CCDC134: variants seen among roughly 807,000 people sequenced by gnomAD.
The protein encoded by CCDC134 is coiled-coil domain containing 134, also known as coiled-coil domain-containing protein 134.
A neutral mutation model predicts 25.6 loss-of-function variants in CCDC134; 27 were observed. The observed-to-expected ratio is 1.05, with a 90% CI of 0.78 to 1.45. The LOEUF (loss-of-function observed/expected upper bound fraction) is 1.45, where lower values mean the gene tolerates loss of function less well. CCDC134 is among the 40% of genes most tolerant of loss of function. The probability of loss-of-function intolerance (pLI) is 0.00; values close to 1 mark genes in which losing one functional copy is unlikely to be tolerated. For synonymous variants in CCDC134, 110 were observed against 115.0 expected (o/e 0.96, Z 0.28); for missense variants, 261 against 286.7 (o/e 0.91, Z 0.65).
rs60425249 is a variant in CCDC134, at chr22:41,806,214, A to AT, written c.-16-2639dup. ...AAAATCTTTTTTTTTTAGGCGACTA[A>AT]TTTTTTTTTTTTTTTTTTTTTTGAT... On this transcript the variant is annotated intron_variant, in intron 1 of 6. Transcript: ENST00000255784. Among the ~76,000 whole-genome samples the AT allele has an allele frequency of 0.039, 4,673 of 120,976 alleles. 417 individuals carry two copies. In the East Asian group the frequency reaches 0.43, roughly 11 times the overall value. The allele number at this position is 120,976 out of a possible 152,430, so 79.4% of individuals were successfully genotyped here.
chr22:41,813,399 A>C lies in CCDC134; in HGVS notation c.446A>C (p.Gln149Pro), dbSNP rs767967796. The C allele has an allele frequency of 6.2e-7, 1 of 1,614,220 alleles. No individual in the cohort carries two copies. The highest frequency in any genetic ancestry group is 2.2e-5 in the East Asian group (1 of 44,886). ...LIRWGISFCN[Q>P]TGVFNQGPHS... is the part of the protein sequence containing the mutation. ...CGCTGGGGTATCAGTTTCTGCAACCAGACAGGCGTCTTCAACCAGGGGCCC... is the reference window on the plus strand; with the variant it reads ...CGCTGGGGTATCAGTTTCTGCAACCCGACAGGCGTCTTCAACCAGGGGCCC... The change falls in exon 5 of 7, where the codon CAG (glutamine) becomes CCG (proline). Residue 149 changes from glutamine to proline, a missense_variant. Coordinates refer to ENST00000255784, the MANE Select transcript of CCDC134 (RefSeq NM_024821.5).
rs767346201 is a variant in CCDC134, at chr22:41,810,274, A to G, written c.293A>G (p.Asp98Gly). 1.2e-6 allele frequency: 2 copies of G among 1,613,912 alleles called. No homozygotes were observed. The highest frequency in any genetic ancestry group is 2.2e-5 in the South Asian group (2 of 91,066). ...DVLPDGPFPQ[D>G]EKLKDAFSHV... Reference sequence around the variant, plus strand: ...CTCCCAGATGGGCCCTTCCCCCAGGACGAGAAGCTGAAGGATGGTATGGTC... The same window carrying G: ...CTCCCAGATGGGCCCTTCCCCCAGGGCGAGAAGCTGAAGGATGGTATGGTC... The change falls in exon 4 of 7, where the codon GAC becomes GGC. Residue 98 changes from aspartate to glycine, a missense_variant. Asp to Gly is a moderately conservative substitution (Grantham distance 94). Coordinates refer to ENST00000255784, the MANE Select transcript of CCDC134 (RefSeq NM_024821.5).
intron 6 of CCDC134, among the ~76,000 whole-genome samples, chr22:41,815,117 C>G (rs2148313717): frequency 6.6e-6 from 1 of 151,820 alleles, no homozygotes; most frequent in Admixed American, 6.6e-5. Context: ...CAGGGATGCT[C>G]AGGGCCATGA....
chr22:41,824,532 G>GCTCA (rs1295673108), intron 6 of CCDC134, among the ~76,000 whole-genome samples: 1 of 152,154 alleles, frequency 6.6e-6, no homozygotes, highest in Non-Finnish European at 1.5e-5. Context: ...AGGCTGAGGC[G>GCTCA]GATGGATCAC....
At chr22:41,816,446 G>A (rs2076623146) in intron 6 of CCDC134, among the ~76,000 whole-genome samples, 1 of 152,340 alleles carries the variant, frequency 6.6e-6, no homozygotes, top group Admixed American at 6.5e-5. Context: ...CAGTACTGAC[G>A]TGTCCATGTG....
At chr22:41,806,314 G>C (rs540112428) in intron 1 of CCDC134, among the ~76,000 whole-genome samples, 32 of 150,850 alleles carry the variant, frequency 2.1e-4, no homozygotes, top group Admixed American at 4.6e-4. Context: ...TGCCTCCTGG[G>C]TACAAGCGAT....
chr22:41,808,585 A>G (rs1453702335), intron 1 of CCDC134, among the ~76,000 whole-genome samples: 2 of 152,142 alleles, frequency 1.3e-5, no homozygotes, highest in Non-Finnish European at 2.9e-5. Context: ...GGTCCCAGAG[A>G]CGGGCGGGGG....
Position 41,828,260 on chromosome 22 carries a change from A to G in CCDC134, c.*2437A>G, listed in dbSNP as rs182706720. Among the ~76,000 whole-genome samples the G allele has an allele frequency of 1.7e-4, 26 of 152,198 alleles. No homozygotes were observed. Among genetic ancestry groups the G allele is most frequent in the African/African-American group, 6.0e-4 (25 of 41,528 alleles). On this transcript the variant is annotated 3_prime_UTR_variant, in exon 7 of 7. Coordinates refer to ENST00000255784, the MANE Select transcript of CCDC134 (RefSeq NM_024821.5). ...TCAGAACCAGGCTCTTCACACTCAG[A>G]TCCTTGGGCCCCCCATCTCAGAATG...
At chr22:41,810,312 C>T (rs1457397502) in intron 4 of CCDC134, 21 bp downstream of exon 4, 1 of 1,601,514 alleles carries the variant, frequency 6.2e-7, no homozygotes, top group Admixed American at 1.7e-5. Flanking sequence ...CCCTGCCCCG[C>T]CCTGTCCTCC....
At chr22:41,816,592 C>T (rs920838643) in intron 6 of CCDC134, among the ~76,000 whole-genome samples, 7 of 152,174 alleles carry the variant, frequency 4.6e-5, no homozygotes, top group Non-Finnish European at 7.3e-5. Flanking sequence ...ATAAAGAGAA[C>T]ATTAATTGTT....
intron 4 of CCDC134, among the ~76,000 whole-genome samples, chr22:41,812,353 C>T (rs777159829): frequency 2.9e-5 from 4 of 137,398 alleles, no homozygotes; most frequent in East Asian, 2.3e-4. Flanking sequence ...ACCCGCGAGG[C>T]GGAGGTTGCA....
In CCDC134 at chr22:41,808,566, G is replaced by A. The variant is rs373820638; in HGVS notation, c.-16-309G>A. 1.8e-4 allele frequency among the ~76,000 whole-genome samples: 28 copies of A among 152,358 alleles called. No individual in the cohort carries two copies. The South Asian group carries it at 5.4e-3, about 29-fold the overall frequency. On this transcript the variant is annotated intron_variant, in intron 1 of 6. Transcript: ENST00000255784. ...GCTGAGGCTCAGAAAGGCTGGGCAA[G>A]CTGCTCGAGGTCCCAGAGACGGGCG... is the stretch of plus-strand genomic sequence containing the variant.
intron 6 of CCDC134, among the ~76,000 whole-genome samples, chr22:41,814,052 G>A (rs957933941): frequency 1.3e-5 from 2 of 152,216 alleles, no homozygotes; most frequent in South Asian, 2.1e-4. Context: ...GTTATGGGGG[G>A]TAGTTAGGAG....
At position 41,826,664 on chromosome 22, in the gene CCDC134, C is replaced by A. The variant is rs1358338391; in HGVS notation, c.*841C>A. 6.6e-6 allele frequency among the ~76,000 whole-genome samples: 1 copy of A among 152,172 alleles called. No individual in the cohort carries two copies. Among genetic ancestry groups the A allele is most frequent in the Non-Finnish European group, 1.5e-5 (1 of 68,022 alleles). ...GGGTGGGGGGCTGCAGGGGGACAGGCCGCAGCCCTGCAGGAGGCCGTGCTC... is the reference window on the plus strand; with the variant it reads ...GGGTGGGGGGCTGCAGGGGGACAGGACGCAGCCCTGCAGGAGGCCGTGCTC... On this transcript the variant is annotated 3_prime_UTR_variant, in exon 7 of 7. Coordinates refer to ENST00000255784, the MANE Select transcript of CCDC134 (RefSeq NM_024821.5).
At chr22:41,809,023 G>A (rs1389013436) in intron 2 of CCDC134, 30 bp downstream of exon 2, 3 of 1,537,212 alleles carry the variant, frequency 2.0e-6, no homozygotes, top group East Asian at 2.2e-5. Flanking sequence ...TTAATGAGCT[G>A]TCTTTGAGAG....
chr22:41,803,566 G>A (rs996059382), intron 1 of CCDC134, among the ~76,000 whole-genome samples: 5 of 152,034 alleles, frequency 3.3e-5, no homozygotes, highest in South Asian at 4.1e-4. Flanking sequence ...CCAGGAGTTC[G>A]AGACCAGCCT....
intron 2 of CCDC134, among the ~76,000 whole-genome samples, chr22:41,809,372 C>A (rs2076583297): frequency 6.6e-6 from 1 of 152,172 alleles, no homozygotes; most frequent in African/African-American, 2.4e-5. Flanking sequence ...AGTCCCCTGG[C>A]TTTGAGGTGT....
At chr22:41,805,073 TA>T (rs1204888545) in intron 1 of CCDC134, among the ~76,000 whole-genome samples, 2 of 146,546 alleles carry the variant, frequency 1.4e-5, no homozygotes, top group African/African-American at 2.5e-5. Context: ...TGTCTCAAAA[TA>T]AAAAAAAAAG....
chr22:41,819,735 G>C (rs958383555), intron 6 of CCDC134, among the ~76,000 whole-genome samples: 3 of 151,902 alleles, frequency 2.0e-5, no homozygotes, highest in Admixed American at 2.0e-4. Flanking sequence ...CTGTCTTACT[G>C]AATTATCTGA....
Sources: allele counts gnomAD v4.1 joint callset (sites outside exome capture counted in the v4.1 genomes callset), GRCh38; gene constraint gnomAD v4.1.1; transcripts MANE v1.5; gene names NCBI Gene and HGNC (gene_info 2026-07-23, HGNC 2026-07-21).